The following RABGAP1L variants were observed in gnomAD, a reference collection of about 807,000 sequenced individuals.
The protein encoded by RABGAP1L is rab GTPase-activating protein 1-like.
In RABGAP1L, 63 loss-of-function variants were observed where a neutral mutation model predicts 137.7. That is an observed-to-expected ratio of 0.46 (90% CI 0.37 to 0.56). RABGAP1L has a LOEUF of 0.56. RABGAP1L is among the 20% of genes least tolerant of loss of function. The probability of loss-of-function intolerance (pLI) is 0.00; values close to 1 mark genes in which losing one functional copy is unlikely to be tolerated. For missense variants in RABGAP1L, 1,095 were observed against 1,244.0 expected, an observed-to-expected ratio of 0.88 and a Z score of 1.80; for synonymous variants, 431 against 433.7, an observed-to-expected ratio of 0.99 and a Z score of 0.08.
At chr1:174,645,677 A>G (rs1674911597) in intron 14 of RABGAP1L, among the ~76,000 whole-genome samples, 1 of 152,180 alleles carries the variant, frequency 6.6e-6, no homozygotes, top group Non-Finnish European at 1.5e-5. Context: ...TGCAATAAAC[A>G]TATGTATGCA....
At chr1:174,173,519 T>C (rs1665580621) in intron 1 of RABGAP1L, among the ~76,000 whole-genome samples, 1 of 152,214 alleles carries the variant, frequency 6.6e-6, no homozygotes, top group South Asian at 2.1e-4. Flanking sequence ...TCTTATGACT[T>C]CCTCTCAAAT....
At chr1:174,585,601 GT>G (rs1669057257) in intron 13 of RABGAP1L, among the ~76,000 whole-genome samples, 1 of 152,176 alleles carries the variant, frequency 6.6e-6, no homozygotes. Flanking sequence ...CAGTGGTTTT[GT>G]TTTTGTTTGA....
chr1:174,899,204 A>G (rs948752642), intron 19 of RABGAP1L, among the ~76,000 whole-genome samples: 5 of 152,216 alleles, frequency 3.3e-5, no homozygotes, highest in African/African-American at 1.2e-4. Flanking sequence ...GAGAAAACAA[A>G]CAAACAAAAA....
At chr1:174,789,485 T>C (rs1159281367) in intron 18 of RABGAP1L, among the ~76,000 whole-genome samples, 2 of 152,200 alleles carry the variant, frequency 1.3e-5, no homozygotes, top group South Asian at 2.1e-4. Flanking sequence ...ACTTATGAAA[T>C]TGATATAAAA....
intron 12 of RABGAP1L, among the ~76,000 whole-genome samples, chr1:174,381,735 CTT>C (rs1303655309): frequency 1.8e-5 from 2 of 110,948 alleles, no homozygotes; most frequent in African/African-American, 8.5e-5. Flanking sequence ...GGTCTTGACT[CTT>C]TATCCAATTT....
chr1:174,945,255 A>T (rs1666548787), intron 19 of RABGAP1L, among the ~76,000 whole-genome samples: 1 of 152,222 alleles, frequency 6.6e-6, no homozygotes, highest in Non-Finnish European at 1.5e-5. Context: ...TTGCCATCTT[A>T]CTGTCTCAAT....
At chr1:174,912,937 G>A (rs143579087) in intron 19 of RABGAP1L, among the ~76,000 whole-genome samples, 2 of 151,996 alleles carry the variant, frequency 1.3e-5, no homozygotes, top group Admixed American at 6.6e-5. Flanking sequence ...TTGTAAGTAG[G>A]GATATCCAGC....
At chr1:174,371,925 T>G (rs1453728015) in intron 12 of RABGAP1L, among the ~76,000 whole-genome samples, 1 of 152,172 alleles carries the variant, frequency 6.6e-6, no homozygotes, top group Admixed American at 6.5e-5. Context: ...TTAGGAAATA[T>G]GTATTTACAG....
intron 10 of RABGAP1L, among the ~76,000 whole-genome samples, chr1:174,294,973 C>T (rs1177922735): frequency 6.6e-6 from 1 of 151,750 alleles, no homozygotes; most frequent in African/African-American, 2.4e-5. Context: ...GGCTGCAGTG[C>T]AGTAGTGTGC....
intron 13 of RABGAP1L, among the ~76,000 whole-genome samples, chr1:174,462,027 A>G (rs973413580): frequency 6.6e-6 from 1 of 152,166 alleles, no homozygotes; most frequent in Non-Finnish European, 1.5e-5. Flanking sequence ...AACCTTCTGT[A>G]TACCTTAGTA....
chr1:174,871,335 C>T (rs551098426), intron 19 of RABGAP1L, among the ~76,000 whole-genome samples: 1 of 151,534 alleles, frequency 6.6e-6, no homozygotes, highest in South Asian at 2.1e-4. Context: ...GGTTTCACCA[C>T]GTTGGCCAAG....
At chr1:174,728,551 G>A (rs1682189451) in intron 17 of RABGAP1L, among the ~76,000 whole-genome samples, 2 of 149,546 alleles carry the variant, frequency 1.3e-5, no homozygotes, top group Non-Finnish European at 3.0e-5. Flanking sequence ...ACTGTGCAAA[G>A]TAACCTACAG....
intron 4 of RABGAP1L, among the ~76,000 whole-genome samples, chr1:174,240,323 T>G (rs951415199): frequency 2.0e-5 from 3 of 152,236 alleles, no homozygotes; most frequent in Non-Finnish European, 4.4e-5. Context: ...CTTGGTGCAC[T>G]GAAACATCTG....
chr1:174,679,172 G>T (rs1264663609), intron 14 of RABGAP1L, among the ~76,000 whole-genome samples: 2 of 152,034 alleles, frequency 1.3e-5, no homozygotes, highest in African/African-American at 4.8e-5. Context: ...TCCTGTTTTT[G>T]CCTAATTAGC....
chr1:174,305,935 G>A (rs890571334), intron 11 of RABGAP1L, among the ~76,000 whole-genome samples: 3 of 151,958 alleles, frequency 2.0e-5, no homozygotes, highest in African/African-American at 7.3e-5. Flanking sequence ...CCTATAACAG[G>A]CCGCAGTGTG....
At chr1:174,380,677 CT>C (rs1294518026) in intron 12 of RABGAP1L, among the ~76,000 whole-genome samples, 3 of 149,278 alleles carry the variant, frequency 2.0e-5, no homozygotes, top group African/African-American at 7.4e-5. Context: ...ATTCTTCTCT[CT>C]TTTTTTCTTT....
intron 13 of RABGAP1L, chr1:174,548,148 G>A: frequency 4.0e-6 from 6 of 1,492,214 alleles, no homozygotes; most frequent in Non-Finnish European, 5.3e-6. Context: ...TTCCCAGGTT[G>A]ATGTTACATA....
intron 15 of RABGAP1L, among the ~76,000 whole-genome samples, chr1:174,686,481 A>C (rs1371212629): frequency 2.0e-5 from 3 of 152,038 alleles, no homozygotes; most frequent in Admixed American, 2.0e-4. Context: ...TAGAATCTAG[A>C]ATAGTCAGGT....
At chr1:174,775,910 C>T (rs977602584) in intron 18 of RABGAP1L, among the ~76,000 whole-genome samples, 1 of 152,138 alleles carries the variant, frequency 6.6e-6, no homozygotes, top group East Asian at 1.9e-4. Flanking sequence ...AGCTGTCATT[C>T]AGAAGATGGA....
Sources: gnomAD v4.1 joint callset for allele counts (sites outside exome capture counted in the v4.1 genomes callset) on GRCh38, gnomAD v4.1.1 for gene constraint, MANE v1.5 for transcripts, NCBI Gene and HGNC (gene_info 2026-07-23, HGNC 2026-07-21) for gene names.